The following CTNNA3 variants were observed in gnomAD, a reference collection of about 807,000 sequenced individuals.
The protein encoded by CTNNA3 is catenin alpha-3.
CTNNA3 carries 76 observed loss-of-function variants against 95.7 expected under a neutral mutation model. The observed-to-expected ratio is 0.79, with a 90% confidence interval of 0.66 to 0.96. The LOEUF (loss-of-function observed/expected upper bound fraction) is 0.96, where lower values mean the gene tolerates loss of function less well. Ranked by LOEUF, CTNNA3 falls within the 40% of genes least tolerant of loss-of-function variation. CTNNA3 has a pLI of 0.00. For missense variants in CTNNA3, 1,191 were observed against 1,089.8 expected (o/e 1.09, Z -1.31); for synonymous variants, 431 against 374.4 (o/e 1.15, Z -1.74).
intron 7 of CTNNA3, among the ~76,000 whole-genome samples, chr10:67,129,698 G>T (rs1277717114): frequency 6.6e-6 from 1 of 152,050 alleles, no homozygotes; most frequent in Non-Finnish European, 1.5e-5. Flanking sequence ...CTTATGCCCT[G>T]TATGAAAACA....
chr10:67,429,417 A>G (rs559849793), intron 5 of CTNNA3, among the ~76,000 whole-genome samples: 1 of 152,180 alleles, frequency 6.6e-6, no homozygotes, highest in South Asian at 2.1e-4. Context: ...ATAAGTGTAT[A>G]AAGACCCAGA....
At chr10:66,295,052 C>T (rs1235994550) in intron 12 of CTNNA3, among the ~76,000 whole-genome samples, 1 of 152,152 alleles carries the variant, frequency 6.6e-6, no homozygotes, top group Non-Finnish European at 1.5e-5. Flanking sequence ...CTGTTGATAG[C>T]TTCACAGACT....
chr10:67,712,832 T>C (rs878917341), intron 1 of CTNNA3, among the ~76,000 whole-genome samples: 1 of 152,066 alleles, frequency 6.6e-6, no homozygotes, highest in African/African-American at 2.4e-5. Flanking sequence ...ATAAAAATCC[T>C]AGAAAAAAAC....
chr10:67,749,800 A>T (rs973328823), intron 1 of CTNNA3, among the ~76,000 whole-genome samples: 2 of 152,222 alleles, frequency 1.3e-5, no homozygotes, highest in African/African-American at 4.8e-5. Context: ...AAAGACAAGA[A>T]ATAACTAAGA....
chr10:67,199,221 C>T (rs1473655802), intron 6 of CTNNA3, among the ~76,000 whole-genome samples: 2 of 152,124 alleles, frequency 1.3e-5, no homozygotes, highest in South Asian at 2.1e-4. Flanking sequence ...AACCAATACG[C>T]TTCTGTGTTT....
At position 66,363,945 on chromosome 10, in the gene CTNNA3, T is replaced by C. The variant is rs2092694134; in HGVS notation, c.1732+15207A>G. On this transcript the variant is annotated intron_variant, in intron 12 of 17. Transcript: ENST00000433211. ...CACAAAACCTCTAAGAGATAAGTTT[T>C]ATTGCCCTTGTTTTACAGATGACAG... Among the ~76,000 whole-genome samples, 6 of 152,124 alleles carry C rather than the reference T, an allele frequency of 3.9e-5. No individual in the cohort carries two copies. In the South Asian group the frequency reaches 1.2e-3, roughly 31 times the overall value.
At chr10:66,489,930 A>T (rs1455063717) in intron 11 of CTNNA3, among the ~76,000 whole-genome samples, 1 of 152,114 alleles carries the variant, frequency 6.6e-6, no homozygotes, top group Non-Finnish European at 1.5e-5. Flanking sequence ...TGCCTGCAAC[A>T]CTCTGGGCAT....
chr10:67,665,966 T>C lies in CTNNA3; in HGVS notation c.-5-18448A>G, dbSNP rs1317686014. ...AAAAATATAAAACAGGCATGTTATA[T>C]GATACTTCCCTGAAGCGATCAAGCT... is the stretch of plus-strand genomic sequence containing the variant. On this transcript the variant is annotated intron_variant, in intron 1 of 17. Coordinates refer to ENST00000433211, the MANE Select transcript of CTNNA3 (RefSeq NM_013266.4). Among the ~76,000 whole-genome samples the C allele has an allele frequency of 5.3e-5, 8 of 152,354 alleles. 1 individual carries two copies. In the South Asian group the frequency reaches 1.4e-3, roughly 28 times the overall value.
intron 7 of CTNNA3, among the ~76,000 whole-genome samples, chr10:67,071,790 C>T (rs1305472084): frequency 6.6e-6 from 1 of 152,140 alleles, no homozygotes; most frequent in East Asian, 1.9e-4. Flanking sequence ...TACACAATAT[C>T]TAATTTTTCC....
chr10:66,561,838 G>T (rs1435709359), intron 10 of CTNNA3, among the ~76,000 whole-genome samples: 1 of 152,028 alleles, frequency 6.6e-6, no homozygotes, highest in Admixed American at 6.6e-5. Flanking sequence ...TTGTTTGCAT[G>T]ATCTCAAATT....
chr10:67,005,350 A>T (rs1361423957), intron 7 of CTNNA3, among the ~76,000 whole-genome samples: 1 of 152,086 alleles, frequency 6.6e-6, no homozygotes, highest in East Asian at 1.9e-4. Context: ...ATCTAAATAC[A>T]CTTTATCTAA....
intron 9 of CTNNA3, among the ~76,000 whole-genome samples, chr10:66,653,901 A>T (rs1845991903): frequency 6.6e-6 from 1 of 152,130 alleles, no homozygotes. Flanking sequence ...GGATATCTAC[A>T]TGCAGAAGAT....
At chr10:67,026,828 A>T (rs1589624982) in intron 7 of CTNNA3, among the ~76,000 whole-genome samples, 1 of 152,194 alleles carries the variant, frequency 6.6e-6, no homozygotes, top group African/African-American at 2.4e-5. Context: ...TGTTAATTAA[A>T]AGAGTTCAGA....
At chr10:67,497,540 T>G (rs914115536) in intron 5 of CTNNA3, among the ~76,000 whole-genome samples, 6 of 152,136 alleles carry the variant, frequency 3.9e-5, no homozygotes, top group African/African-American at 1.4e-4. Context: ...CTAGTTTACA[T>G]ACCCATCAAC....
intron 7 of CTNNA3, among the ~76,000 whole-genome samples, chr10:66,988,616 T>C (rs1309199332): frequency 6.6e-6 from 1 of 152,176 alleles, no homozygotes; most frequent in East Asian, 1.9e-4. Context: ...TATTTTTGTT[T>C]GATACACTAT....
intron 7 of CTNNA3, among the ~76,000 whole-genome samples, chr10:67,086,926 G>C (rs1357207169): frequency 6.6e-6 from 1 of 151,996 alleles, no homozygotes; most frequent in Non-Finnish European, 1.5e-5. Context: ...CCAGTGGACT[G>C]TTGTGACTAC....
intron 11 of CTNNA3, among the ~76,000 whole-genome samples, chr10:66,383,245 T>C (rs754097556): frequency 3.9e-5 from 6 of 151,988 alleles, no homozygotes; most frequent in Admixed American, 2.0e-4. Flanking sequence ...GTAGAGAAGA[T>C]CTTCAATGAC....
At chr10:66,641,954 G>C (rs947806443) in intron 9 of CTNNA3, among the ~76,000 whole-genome samples, 13 of 152,080 alleles carry the variant, frequency 8.5e-5, no homozygotes, top group Non-Finnish European at 1.3e-4. Flanking sequence ...CCATAAAAAT[G>C]GCAATTCTAA....
chr10:66,506,104 T>C (rs72793605), intron 11 of CTNNA3, among the ~76,000 whole-genome samples: 22,876 of 151,950 alleles, frequency 0.15, 1,794 homozygotes, highest in Non-Finnish European at 0.17. Flanking sequence ...GGGTGCGGGG[T>C]GCCAGGCTCT....
Sources: gnomAD v4.1 joint callset for allele counts (sites outside exome capture counted in the v4.1 genomes callset) on GRCh38, gnomAD v4.1.1 for gene constraint, MANE v1.5 for transcripts, NCBI Gene and HGNC (gene_info 2026-07-23, HGNC 2026-07-21) for gene names.